ADRA1B: variants seen among roughly 807,000 people sequenced by gnomAD.
The protein encoded by ADRA1B is alpha-1B adrenergic receptor.
ADRA1B carries 17 observed loss-of-function variants against 17.9 expected under a neutral mutation model. The ratio of observed to expected loss-of-function variants is 0.95; its 90% CI spans 0.65 to 1.42. The LOEUF (loss-of-function observed/expected upper bound fraction) is 1.42, where lower values mean the gene tolerates loss of function less well. ADRA1B is among the 40% of genes most tolerant of loss of function. ADRA1B has a pLI of 0.00. For synonymous variants in ADRA1B, 366 were observed against 327.6 expected (o/e 1.12, Z -1.27); for missense variants, 681 against 722.1 (o/e 0.94, Z 0.65).
At chr5:159,976,412 C>G (rs377706918), downstream of ADRA1B, among the ~76,000 whole-genome samples, 1 of 151,950 alleles carries the variant, frequency 6.6e-6, no homozygotes, top group South Asian at 2.1e-4. Flanking sequence ...CCCAGCACTT[C>G]GGGAGGCTGG....
chr5:159,913,657 GCT>G (rs1754250620), upstream of ADRA1B, among the ~76,000 whole-genome samples: 1 of 152,082 alleles, frequency 6.6e-6, no homozygotes, highest in African/African-American at 2.4e-5. Context: ...TCTCAGATTT[GCT>G]CTTTTTTTTT....
chr5:159,917,715 C>A lies in ADRA1B; in HGVS notation c.810C>A (p.Ala270=). 4 of 1,614,066 alleles carry A rather than the reference C, an allele frequency of 2.5e-6. No individual in the cohort carries two copies. The highest frequency in any genetic ancestry group is 3.4e-6 in the Non-Finnish European group (4 of 1,180,034). ...AGGACACCCTTAGCAGTACCAAGGC[C>A]AAGGGCCACAACCCCAGGAGTTCCA... ...FHEDTLSSTK[A]KGHNPRSSIA... is the part of the protein sequence containing the mutation. The change falls in exon 1 of 2, where the codon GCC becomes GCA. Residue 270 remains alanine (A), a synonymous_variant. Coordinates refer to ENST00000306675, the MANE Select transcript of ADRA1B (RefSeq NM_000679.4).
At chr5:159,888,989 G>A (rs1753954725) in intron 1 of ADRA1B, among the ~76,000 whole-genome samples, 1 of 152,168 alleles carries the variant, frequency 6.6e-6, no homozygotes, top group East Asian at 1.9e-4. Context: ...GCTCATCCAA[G>A]CTCCAAGCTA....
At chr5:159,893,972 C>T (rs1291610335) in intron 1 of ADRA1B, among the ~76,000 whole-genome samples, 1 of 152,196 alleles carries the variant, frequency 6.6e-6, no homozygotes. Flanking sequence ...CCAAGTAAAC[C>T]TAATCACTCT....
At chr5:159,898,546 T>C (rs1302259008) in intron 1 of ADRA1B, among the ~76,000 whole-genome samples, 1 of 152,252 alleles carries the variant, frequency 6.6e-6, no homozygotes, top group African/African-American at 2.4e-5. Flanking sequence ...AACAAACACA[T>C]GTTTATAGAT....
At chr5:159,987,888 C>T in the ADRA1B span, among the ~76,000 whole-genome samples, 21 of 152,278 alleles carry the variant, frequency 1.4e-4, no homozygotes, top group East Asian at 3.9e-3. Context: ...CGCTTCTCCT[C>T]GTGGACTTTG....
chr5:159,960,634 A>G (rs1296640058), intron 1 of ADRA1B, among the ~76,000 whole-genome samples: 1 of 151,930 alleles, frequency 6.6e-6, no homozygotes, highest in Non-Finnish European at 1.5e-5. Context: ...GAACCCAGCA[A>G]TCAAGGCCAG....
At chr5:159,945,950 T>C (rs976688348) in intron 1 of ADRA1B, among the ~76,000 whole-genome samples, 5 of 152,254 alleles carry the variant, frequency 3.3e-5, no homozygotes, top group African/African-American at 4.8e-5. Flanking sequence ...GGTTTCACCA[T>C]GTTAGCCAGG....
chr5:159,926,939 CA>C (rs1025875217), intron 1 of ADRA1B, among the ~76,000 whole-genome samples: 10 of 152,008 alleles, frequency 6.6e-5, no homozygotes, highest in African/African-American at 1.5e-4. Context: ...GAAATGGGCT[CA>C]GGGGGGTTAA....
At chr5:159,915,056 C>T (rs1754268189), upstream of ADRA1B, among the ~76,000 whole-genome samples, 1 of 152,224 alleles carries the variant, frequency 6.6e-6, no homozygotes, top group South Asian at 2.1e-4. Flanking sequence ...GCATGGCTAT[C>T]AGTAAGCGCT....
intron 1 of ADRA1B, among the ~76,000 whole-genome samples, chr5:159,905,692 G>T (rs1184150283): frequency 6.6e-6 from 1 of 152,158 alleles, no homozygotes; most frequent in Non-Finnish European, 1.5e-5. Context: ...CATAGCAAAT[G>T]CTATAAAAGA....
intron 1 of ADRA1B, among the ~76,000 whole-genome samples, chr5:159,932,412 C>T (rs1039653336): frequency 1.3e-5 from 2 of 152,186 alleles, no homozygotes; most frequent in African/African-American, 2.4e-5. Flanking sequence ...CCTGCCTCAG[C>T]CTCCCAAAGT....
chr5:159,947,903 G>T (rs1755321454), intron 1 of ADRA1B: 7 of 985,428 alleles, frequency 7.1e-6, no homozygotes, highest in Non-Finnish European at 8.4e-6. Context: ...CTGGGAGAGG[G>T]ATTCACATTC....
At position 159,968,864 on chromosome 5, in the gene ADRA1B, A is replaced by G. The variant is rs1581072812; in HGVS notation, c.950-3015A>G. ...CAAAACGCTGGGATTACAGACTTGA[A>G]CCACCATGTCTGGCCCTCTCCAAAA... On this transcript the variant is annotated intron_variant, in intron 1 of 1. Transcript: ENST00000306675. Among the ~76,000 whole-genome samples, 5 of 152,190 alleles carry G rather than the reference A, an allele frequency of 3.3e-5. No homozygotes were observed. In the South Asian group the frequency reaches 1.0e-3, roughly 32 times the overall value.
intron 1 of ADRA1B, among the ~76,000 whole-genome samples, chr5:159,926,357 T>C (rs2113183981): frequency 6.6e-6 from 1 of 152,276 alleles, no homozygotes; most frequent in Non-Finnish European, 1.5e-5. Flanking sequence ...GTCATGTTTC[T>C]CTCTGGGGAT....
At chr5:159,941,954 G>A (rs561043339) in intron 1 of ADRA1B, among the ~76,000 whole-genome samples, 23 of 134,710 alleles carry the variant, frequency 1.7e-4, no homozygotes, top group African/African-American at 6.6e-4. Context: ...ACAGAGTCTC[G>A]CTCTGTCACC....
In ADRA1B at chr5:159,972,744, C is replaced by T. The variant is rs1187761375; in HGVS notation, c.*252C>T. The stretch of plus-strand genomic sequence containing the variant: ...GCCGCCGGGATTTACCTCTCTCTCT[C>T]CCTCTGTGTATATATAAACGAGTCC... On this transcript the variant is annotated 3_prime_UTR_variant, in exon 2 of 2. Transcript: ENST00000306675. Among the ~76,000 whole-genome samples, 1 of 152,172 alleles carries T rather than the reference C, an allele frequency of 6.6e-6. No individual in the cohort carries two copies. Among genetic ancestry groups the T allele is most frequent in the African/African-American group, 2.4e-5 (1 of 41,466 alleles).
In ADRA1B at chr5:159,926,452, G is replaced by A. The variant is rs1054578484; in HGVS notation, c.949+8598G>A. Among the ~76,000 whole-genome samples, 9 of 152,090 alleles carry A rather than the reference G, an allele frequency of 5.9e-5. No homozygotes were observed. The South Asian group carries it at 6.2e-4, about 11-fold the overall frequency. The stretch of plus-strand genomic sequence containing the variant: ...AGTTCAAATTGTCTTCTTGTCCTTC[G>A]TGCCCAGGGATGTGTACATAGTAAA... On this transcript the variant is annotated intron_variant, in intron 1 of 1. Transcript: ENST00000306675.
At chr5:159,869,228 A>G (rs2113065599) in intron 1 of ADRA1B, 1 of 152,322 alleles carries the variant, frequency 6.6e-6, no homozygotes, top group South Asian at 2.1e-4. Context: ...TCCACCCTGG[A>G]CAAACCATTC....
Sources: gnomAD v4.1 joint callset for allele counts (sites outside exome capture counted in the v4.1 genomes callset) on GRCh38, gnomAD v4.1.1 for gene constraint, MANE v1.5 for transcripts, NCBI Gene and HGNC (gene_info 2026-07-23, HGNC 2026-07-21) for gene names.